The following ATP11C variants were observed in gnomAD, a reference collection of about 807,000 sequenced individuals.
ATP11C encodes the protein ATPase phospholipid transporting 11C (ATP11C blood group), also known as phospholipid-transporting ATPase IG.
Under a neutral mutation model 97.4 loss-of-function variants are expected in ATP11C, and 36 were observed. The observed-to-expected ratio is 0.37, with a 90% CI of 0.28 to 0.49. The LOEUF is 0.49. Among genes scored for constraint, ATP11C ranks in the 20% least tolerant of loss-of-function variants. The probability of loss-of-function intolerance (pLI) is 0.98; values close to 1 mark genes in which losing one functional copy is unlikely to be tolerated. For missense variants in ATP11C, 730 were observed against 824.6 expected (o/e 0.89, Z 1.40); for synonymous variants, 275 against 290.9 (o/e 0.95, Z 0.56).
intron 7 of ATP11C, among the ~76,000 whole-genome samples, chrX:139,800,709 G>A (rs906689859): frequency 9.0e-6 from 1 of 111,663 alleles, no homozygotes; most frequent in African/African-American, 3.3e-5. Context: ...ACTTGTAGTT[G>A]ATCTCAATAC....
chrX:139,869,619 T>TAAA (rs72160192), intron 1 of ATP11C, among the ~76,000 whole-genome samples: 2 of 54,188 alleles, frequency 3.7e-5, no homozygotes, highest in East Asian at 6.8e-4. Flanking sequence ...CCCTCTCTAC[T>TAAA]AAAAAAAAAA....
chrX:139,882,987 A>T (rs2084584614), intron 1 of ATP11C, among the ~76,000 whole-genome samples: 1 of 110,981 alleles, frequency 9.0e-6, no homozygotes, highest in Non-Finnish European at 1.9e-5. Flanking sequence ...CCTATGAGAA[A>T]CAGGGAGCCA....
intron 1 of ATP11C, among the ~76,000 whole-genome samples, chrX:139,876,492 C>A (rs1416834375): frequency 8.9e-6 from 1 of 112,175 alleles, no homozygotes; most frequent in Admixed American, 9.4e-5. Context: ...TGTTCACAGG[C>A]AAGATCATCA....
chrX:139,880,653 A>AC (rs2084546865), intron 1 of ATP11C, among the ~76,000 whole-genome samples: 1 of 111,552 alleles, frequency 9.0e-6, no homozygotes, highest in African/African-American at 3.3e-5. Flanking sequence ...ACAGAAGAAG[A>AC]GCTATTGGGT....
At chrX:139,755,113 T>C (rs894940520) in intron 23 of ATP11C, among the ~76,000 whole-genome samples, 2 of 112,046 alleles carry the variant, frequency 1.8e-5, no homozygotes. Context: ...CAAAAGCTCC[T>C]TGACCTGATA....
chrX:139,865,312 G>A (rs1470753459), intron 1 of ATP11C, among the ~76,000 whole-genome samples: 2 of 112,002 alleles, frequency 1.8e-5, no homozygotes. Flanking sequence ...TCGAGGCCAT[G>A]ATCACGTTAC....
chrX:139,925,031 T>C (rs1371824339), intron 1 of ATP11C, among the ~76,000 whole-genome samples: 4 of 112,050 alleles, frequency 3.6e-5, no homozygotes, highest in Non-Finnish European at 7.5e-5. Context: ...AACGTTTTTT[T>C]CAACAGTCTT....
Position 139,843,222 on chromosome X carries a change from G to A in ATP11C, c.28-16399C>T, listed in dbSNP as rs1191915859. On this transcript the variant is annotated intron_variant, in intron 1 of 29. Transcript: ENST00000682941. Reference sequence around the variant, plus strand: ...TGTCTTATTCTCTTAGGATACAACAGGACTTCTTCTGCAGTAAGGATAAGT... The same window carrying A: ...TGTCTTATTCTCTTAGGATACAACAAGACTTCTTCTGCAGTAAGGATAAGT... Among the ~76,000 whole-genome samples the A allele has an allele frequency of 8.9e-5, 10 of 112,289 alleles. No homozygotes were observed. The Admixed American group carries it at 9.4e-4, about 11-fold the overall frequency.
intron 1 of ATP11C, among the ~76,000 whole-genome samples, chrX:139,859,833 G>A (rs2084153463): frequency 1.0e-5 from 1 of 98,896 alleles, no homozygotes; most frequent in South Asian, 3.7e-4. Context: ...TGGGCGCGGT[G>A]GCTCACGCCT....
At chrX:139,758,436 G>A (rs998245374) in intron 22 of ATP11C, among the ~76,000 whole-genome samples, 6 of 111,403 alleles carry the variant, frequency 5.4e-5, no homozygotes, top group African/African-American at 1.3e-4. Flanking sequence ...GGGCTCCCCC[G>A]CCCCTCCCCC....
chrX:139,776,939 C>T (rs761137217), intron 18 of ATP11C, among the ~76,000 whole-genome samples: 7 of 111,457 alleles, frequency 6.3e-5, no homozygotes, highest in Admixed American at 1.9e-4. Context: ...CTTGCCCCGT[C>T]GAAAGCACCC....
chrX:139,840,134 G>A (rs954829705), intron 1 of ATP11C, among the ~76,000 whole-genome samples: 1 of 111,901 alleles, frequency 8.9e-6, no homozygotes, highest in African/African-American at 3.3e-5. Flanking sequence ...TCAAAAAGCC[G>A]AAACACCAAG....
At chrX:139,903,474 C>G (rs2084928747) in intron 1 of ATP11C, among the ~76,000 whole-genome samples, 1 of 109,615 alleles carries the variant, frequency 9.1e-6, no homozygotes, top group Non-Finnish European at 1.9e-5. Flanking sequence ...ATAGCTGACA[C>G]GTGGAGGTTC....
At chrX:139,878,792 G>A (rs12389012) in intron 1 of ATP11C, among the ~76,000 whole-genome samples, 6,280 of 109,250 alleles carry the variant, frequency 0.057, 438 homozygotes, top group African/African-American at 0.2. Context: ...GGAACAACAG[G>A]AGCCAATACC....
intron 1 of ATP11C, among the ~76,000 whole-genome samples, chrX:139,827,215 C>T (rs1380769689): frequency 7.1e-5 from 8 of 112,184 alleles, no homozygotes. Context: ...TATGCAACTA[C>T]TGAGGACAAC....
At chrX:139,856,124 G>A (rs183715663) in intron 1 of ATP11C, among the ~76,000 whole-genome samples, 2 of 112,734 alleles carry the variant, frequency 1.8e-5, no homozygotes, top group Admixed American at 1.9e-4. Flanking sequence ...ATTCTTGTGC[G>A]CACGGCAGGC....
intron 16 of ATP11C, among the ~76,000 whole-genome samples, chrX:139,783,860 C>T (rs1450237598): frequency 2.0e-5 from 2 of 97,650 alleles, no homozygotes; most frequent in Non-Finnish European, 3.8e-5. Context: ...AGAGTAATAC[C>T]GTGTCTTAAA....
At chrX:139,787,041 A>G (rs2082587529) in intron 15 of ATP11C, 132 bp downstream of exon 15, 1 of 931,564 alleles carries the variant, frequency 1.1e-6, no homozygotes, top group South Asian at 2.4e-5. Flanking sequence ...CTATATTTAC[A>G]TAAAACTCTG....
At chrX:139,768,175 G>T (rs2082176525) in intron 20 of ATP11C, 85 bp downstream of exon 20, 1 of 739,481 alleles carries the variant, frequency 1.4e-6, no homozygotes, top group African/African-American at 2.2e-5. Flanking sequence ...CTTTGAAGAA[G>T]AAATAATTTT....
Sources: gnomAD v4.1 joint callset for allele counts (sites outside exome capture counted in the v4.1 genomes callset) on GRCh38, gnomAD v4.1.1 for gene constraint, MANE v1.5 for transcripts, NCBI Gene and HGNC (gene_info 2026-07-23, HGNC 2026-07-21) for gene names.